The following MS4A3 variants were observed in gnomAD, a reference collection of about 807,000 sequenced individuals.
The protein encoded by MS4A3 is membrane spanning 4-domains A3.
Under a neutral mutation model 24.7 loss-of-function variants are expected in MS4A3, and 18 were observed. That is an observed-to-expected ratio of 0.73 (90% CI 0.50 to 1.08). The LOEUF is 1.08. MS4A3 is among the 50% of genes least tolerant of loss of function. The pLI is 0.00. For synonymous variants in MS4A3, 84 were observed against 95.3 expected, an observed-to-expected ratio of 0.88 and a Z score of 0.69; for missense variants, 282 against 251.7, an observed-to-expected ratio of 1.12 and a Z score of -0.82.
intron 1 of MS4A3, among the ~76,000 whole-genome samples, chr11:60,058,050 G>A (rs1308292363): frequency 6.6e-6 from 1 of 152,152 alleles, no homozygotes; most frequent in Non-Finnish European, 1.5e-5. Flanking sequence ...AGTAGACAAC[G>A]AGGTAACAGA....
At position 60,070,332 on chromosome 11, in the gene MS4A3, T is replaced by C. The variant is rs1053316467; in HGVS notation, c.*99T>C. On this transcript the variant is annotated 3_prime_UTR_variant, in exon 7 of 7. Coordinates refer to ENST00000278865, the MANE Select transcript of MS4A3 (RefSeq NM_006138.5). ...CAAACTCAGGAGAACATAAGCCTGC[T>C]CGTAAAGCTCAATCCTTCTATCATG... 28 of 953,694 alleles carry C rather than the reference T, an allele frequency of 2.9e-5. No individual in the cohort carries two copies. In the Admixed American group the frequency reaches 5.7e-4, roughly 20 times the overall value. 59.1% of individuals were successfully genotyped at this position (953,694 alleles called of 1,614,324 possible).
chr11:60,062,856 T>A (rs1855299891), intron 3 of MS4A3, among the ~76,000 whole-genome samples: 1 of 152,180 alleles, frequency 6.6e-6, no homozygotes, highest in Non-Finnish European at 1.5e-5. Flanking sequence ...AGTGGCATGA[T>A]CTCTGCCCAC....
chr11:60,058,245 C>A (rs1023669605), intron 1 of MS4A3, among the ~76,000 whole-genome samples: 2 of 151,736 alleles, frequency 1.3e-5, no homozygotes, highest in African/African-American at 4.8e-5. Context: ...CATTGATTCA[C>A]GCCTGTAATC....
At chr11:60,060,973 A>T in intron 1 of MS4A3, 173 bp from the exon 2 acceptor site, 1 of 506,078 alleles carries the variant, frequency 2.0e-6, no homozygotes, top group Non-Finnish European at 3.3e-6. Flanking sequence ...TACTACTCCA[A>T]GGCAAGACAG....
chr11:60,058,293 G>A (rs1855203789), intron 1 of MS4A3, among the ~76,000 whole-genome samples: 1 of 151,446 alleles, frequency 6.6e-6, no homozygotes, highest in South Asian at 2.1e-4. Context: ...GGATCACCTA[G>A]GTCAAGAGTT....
chr11:60,061,819 G>A (rs901464667), intron 2 of MS4A3, among the ~76,000 whole-genome samples: 1 of 152,170 alleles, frequency 6.6e-6, no homozygotes, highest in Non-Finnish European at 1.5e-5. Context: ...TGCTTATGCT[G>A]AGAAGGAGGA....
intron 4 of MS4A3, among the ~76,000 whole-genome samples, chr11:60,064,536 G>A (rs940796196): frequency 2.6e-5 from 4 of 152,118 alleles, no homozygotes; most frequent in Non-Finnish European, 5.9e-5. Context: ...TGGTGAACTT[G>A]AAGCTTAGAA....
At position 60,069,606 on chromosome 11, in the gene MS4A3, G is replaced by A; in HGVS notation, c.546G>A (p.Leu182=). ...GMVSLLLILT[L]LELCVTISTI... Reference sequence around the variant, plus strand: ...TGTCTCTACTGCTGATTCTCACCTTGCTGGAATTATGCGTAACCATCTCTA... The same window carrying A: ...TGTCTCTACTGCTGATTCTCACCTTACTGGAATTATGCGTAACCATCTCTA... Residue 182 remains leucine, a synonymous_variant, in exon 6 of 7, where the codon TTG becomes TTA. Transcript: ENST00000278865. The A allele has an allele frequency of 6.2e-7, 1 of 1,613,466 alleles. No individual in the cohort carries two copies. Among genetic ancestry groups the A allele is most frequent in the Admixed American group, 1.7e-5 (1 of 60,002 alleles).
At chr11:60,060,602 A>AT (rs1273924912) in intron 1 of MS4A3, among the ~76,000 whole-genome samples, 3 of 152,138 alleles carry the variant, frequency 2.0e-5, no homozygotes, top group Non-Finnish European at 4.4e-5. Context: ...AAGCCATATG[A>AT]GTTTGGGTAA....
intron 5 of MS4A3, among the ~76,000 whole-genome samples, chr11:60,067,900 A>G (rs1855395327): frequency 6.6e-6 from 1 of 151,674 alleles, no homozygotes. Flanking sequence ...ACAAAAAAAA[A>G]AATTAGCCGG....
chr11:60,061,340 C>A (rs771318445), intron 2 of MS4A3, 24 bp downstream of exon 2: 2 of 1,590,920 alleles, frequency 1.3e-6, no homozygotes, highest in South Asian at 1.2e-5. Flanking sequence ...AGTTTAAACA[C>A]TGATTTAAGA....
intron 1 of MS4A3, among the ~76,000 whole-genome samples, chr11:60,060,630 T>C (rs896188307): frequency 2.6e-5 from 4 of 152,304 alleles, no homozygotes; most frequent in Middle Eastern, 3.4e-3. Flanking sequence ...GGTCTCTCTA[T>C]ACCTCAATTT....
chr11:60,066,525 G>C (rs1177327394), intron 4 of MS4A3, among the ~76,000 whole-genome samples: 1 of 152,048 alleles, frequency 6.6e-6, no homozygotes, highest in African/African-American at 2.4e-5. Context: ...TCTGGCCTCA[G>C]GATTTTGAGT....
intron 1 of MS4A3, among the ~76,000 whole-genome samples, chr11:60,058,735 G>A (rs775064610): frequency 1.3e-5 from 2 of 151,964 alleles, no homozygotes; most frequent in East Asian, 1.9e-4. Flanking sequence ...AGACGTAGGC[G>A]AGAGATTATC....
chr11:60,061,409 C>T, intron 2 of MS4A3, 93 bp downstream of exon 2: 1 of 1,437,938 alleles, frequency 7.0e-7, no homozygotes, highest in South Asian at 1.3e-5. Context: ...GTGAGGATTC[C>T]CTTACATGTG....
intron 1 of MS4A3, among the ~76,000 whole-genome samples, chr11:60,059,289 A>C (rs1211328715): frequency 1.3e-5 from 2 of 152,166 alleles, no homozygotes; most frequent in Non-Finnish European, 2.9e-5. Flanking sequence ...AAACATCCTG[A>C]AAGTGGCGTG....
At chr11:60,065,382 T>C (rs1855344240) in intron 4 of MS4A3, among the ~76,000 whole-genome samples, 2 of 152,016 alleles carry the variant, frequency 1.3e-5, no homozygotes, top group Non-Finnish European at 2.9e-5. Flanking sequence ...CCAGTTACTG[T>C]TCTCAACTTA....
chr11:60,068,008 C>A (rs549843116), intron 5 of MS4A3, among the ~76,000 whole-genome samples: 1 of 151,694 alleles, frequency 6.6e-6, no homozygotes, highest in Non-Finnish European at 1.5e-5. Context: ...GCCGAGATTG[C>A]GCCATTGCAC....
chr11:60,068,534 G>A (rs2134669557), intron 5 of MS4A3, among the ~76,000 whole-genome samples: 1 of 151,456 alleles, frequency 6.6e-6, no homozygotes, highest in East Asian at 1.9e-4. Context: ...TTACAGGCAT[G>A]AGCCACCGCG....
Sources: gnomAD v4.1 joint callset for allele counts (sites outside exome capture counted in the v4.1 genomes callset) on GRCh38, gnomAD v4.1.1 for gene constraint, MANE v1.5 for transcripts, NCBI Gene and HGNC (gene_info 2026-07-23, HGNC 2026-07-21) for gene names.